Variants in ELMO1 observed in about 807,000 individuals in gnomAD.
The protein encoded by ELMO1 is engulfment and cell motility 1.
A neutral mutation model predicts 98.9 loss-of-function variants in ELMO1; 26 were observed. The observed-to-expected ratio is 0.26, with a 90% CI of 0.19 to 0.36. The LOEUF (loss-of-function observed/expected upper bound fraction) is 0.36. Among genes scored for constraint, ELMO1 ranks in the 10% least tolerant of loss-of-function variants. ELMO1 has a pLI of 1.00. For missense variants in ELMO1, 627 were observed against 935.2 expected (o/e 0.67, Z 4.30); for synonymous variants, 346 against 346.0 (o/e 1.00, Z 0.00).
chr7:37,311,662 C>T (rs945382094), intron 4 of ELMO1, among the ~76,000 whole-genome samples: 5 of 152,182 alleles, frequency 3.3e-5, no homozygotes, highest in African/African-American at 9.7e-5. Context: ...CTGCTCTGTG[C>T]GTGCTGAGCT....
At chr7:37,216,007 T>G (rs1211241205) in intron 11 of ELMO1, among the ~76,000 whole-genome samples, 3 of 146,030 alleles carry the variant, frequency 2.1e-5, no homozygotes, top group Non-Finnish European at 4.5e-5. Flanking sequence ...TTTTTTTTTC[T>G]TTTTTGTAAG....
intron 1 of ELMO1, among the ~76,000 whole-genome samples, chr7:37,371,972 C>A (rs1802133205): frequency 6.6e-6 from 1 of 152,172 alleles, no homozygotes; most frequent in Non-Finnish European, 1.5e-5. Flanking sequence ...TACCTTCTCT[C>A]AGTGTCCCTG....
intron 1 of ELMO1, among the ~76,000 whole-genome samples, chr7:37,430,510 T>C (rs1804888910): frequency 6.6e-6 from 1 of 152,160 alleles, no homozygotes; most frequent in Non-Finnish European, 1.5e-5. Context: ...AAAACCAAAA[T>C]CCAGAAATCA....
At chr7:36,890,870 T>A (rs1383233977) in intron 17 of ELMO1, among the ~76,000 whole-genome samples, 6 of 152,176 alleles carry the variant, frequency 3.9e-5, no homozygotes, top group African/African-American at 1.4e-4. Context: ...TGGCCTCACC[T>A]TCCGTTGCTC....
At chr7:37,120,652 C>T (rs1785949300) in intron 14 of ELMO1, among the ~76,000 whole-genome samples, 1 of 152,214 alleles carries the variant, frequency 6.6e-6, no homozygotes, top group African/African-American at 2.4e-5. Flanking sequence ...TGGAGCCCAC[C>T]TCAGCTCAAG....
chr7:37,121,883 G>A lies in ELMO1; in HGVS notation c.1191+11247C>T, dbSNP rs568031151. ...GGAAAAAATGTTAAGGGCAGCCAGA[G>A]AGAAAGGACGGGTTACCCACAAAGG... On this transcript the variant is annotated intron_variant, in intron 14 of 21. Coordinates refer to ENST00000310758, the MANE Select transcript of ELMO1 (RefSeq NM_014800.11). Among the ~76,000 whole-genome samples the A allele has an allele frequency of 7.9e-5, 12 of 152,300 alleles. No individual in the cohort carries two copies. In the South Asian group the frequency reaches 2.3e-3, roughly 29 times the overall value.
At position 37,100,597 on chromosome 7, in the gene ELMO1, G is replaced by C. The variant is rs998148327; in HGVS notation, c.1192-3870C>G. 2.0e-5 allele frequency among the ~76,000 whole-genome samples: 3 copies of C among 152,218 alleles called. No homozygotes were observed. The South Asian group carries it at 6.2e-4, about 32-fold the overall frequency. On this transcript the variant is annotated intron_variant, in intron 14 of 21. Coordinates refer to ENST00000310758, the MANE Select transcript of ELMO1 (RefSeq NM_014800.11). ...TCTGTTGAAGCTCTCTCTTTTGGGG[G>C]AGAGCCCAATTCATTCTGTGCCTCC...
At chr7:37,019,850 T>C (rs141602189) in intron 15 of ELMO1, among the ~76,000 whole-genome samples, 2,301 of 152,316 alleles carry the variant, frequency 0.015, 21 homozygotes, top group Middle Eastern at 0.044. Flanking sequence ...TTTTCAGGAC[T>C]GAGGGTACAA....
intron 16 of ELMO1, among the ~76,000 whole-genome samples, chr7:36,944,902 A>T (rs565463351): frequency 6.6e-6 from 1 of 152,290 alleles, no homozygotes; most frequent in South Asian, 2.1e-4. Context: ...AGAAAAGCAA[A>T]GGAGCCTATG....
chr7:36,974,679 G>C (rs573320435), intron 16 of ELMO1, among the ~76,000 whole-genome samples: 1 of 152,178 alleles, frequency 6.6e-6, no homozygotes, highest in African/African-American at 2.4e-5. Flanking sequence ...CAGGCTGCCC[G>C]AGCCAGCAGT....
At chr7:37,363,808 G>A (rs1801791859) in intron 1 of ELMO1, among the ~76,000 whole-genome samples, 1 of 152,094 alleles carries the variant, frequency 6.6e-6, no homozygotes, top group African/African-American at 2.4e-5. Flanking sequence ...TCTAAACATT[G>A]GTAGAAGTTG....
chr7:37,381,027 A>C (rs961600689), intron 1 of ELMO1, among the ~76,000 whole-genome samples: 2 of 152,250 alleles, frequency 1.3e-5, no homozygotes, highest in African/African-American at 2.4e-5. Context: ...TTACAGTATG[A>C]GACATGAAAC....
chr7:36,860,972 T>C (rs1329444812), intron 21 of ELMO1, among the ~76,000 whole-genome samples: 1 of 152,176 alleles, frequency 6.6e-6, no homozygotes, highest in African/African-American at 2.4e-5. Flanking sequence ...TAAAGCTGTT[T>C]ATGCAACCAC....
rs1796808160 is a variant in ELMO1 at position 37,275,959 on chromosome 7, T to C, written c.193-4077A>G. The stretch of plus-strand genomic sequence containing the variant: ...GAAAGGCCTAACTTGGGATGTAAAC[T>C]TCATTAAGAAAGAAAGAGGCTTGTC... On this transcript the variant is annotated intron_variant, in intron 4 of 21. Transcript: ENST00000310758. 2.0e-5 allele frequency among the ~76,000 whole-genome samples: 3 copies of C among 152,308 alleles called. No individual in the cohort carries two copies. The South Asian group carries it at 6.2e-4, about 32-fold the overall frequency.
At chr7:37,340,518 C>T (rs952995908) in intron 2 of ELMO1, among the ~76,000 whole-genome samples, 3 of 152,028 alleles carry the variant, frequency 2.0e-5, no homozygotes, top group African/African-American at 4.8e-5. Context: ...ATTGGATCCT[C>T]GAACAGAATA....
intron 4 of ELMO1, among the ~76,000 whole-genome samples, chr7:37,283,782 T>C (rs939068383): frequency 3.9e-5 from 6 of 152,216 alleles, no homozygotes; most frequent in Non-Finnish European, 7.3e-5. Context: ...CAGAGACACG[T>C]CTATAGTGCT....
At chr7:37,094,497 A>T (rs1784274687) in intron 15 of ELMO1, among the ~76,000 whole-genome samples, 1 of 152,016 alleles carries the variant, frequency 6.6e-6, no homozygotes, top group Non-Finnish European at 1.5e-5. Context: ...CCCCATCCCC[A>T]AGCACAAAAT....
At chr7:37,101,318 A>G (rs1175843076) in intron 14 of ELMO1, among the ~76,000 whole-genome samples, 1 of 152,194 alleles carries the variant, frequency 6.6e-6, no homozygotes, top group Non-Finnish European at 1.5e-5. Context: ...AGTGTGAAGA[A>G]CGAACAAGGA....
chr7:36,895,789 C>T (rs548034602), intron 16 of ELMO1, among the ~76,000 whole-genome samples: 1 of 152,186 alleles, frequency 6.6e-6, no homozygotes, highest in Admixed American at 6.5e-5. Flanking sequence ...CATCTCAGAG[C>T]TTGCTGCTTC....
Sources: allele counts gnomAD v4.1 joint callset (sites outside exome capture counted in the v4.1 genomes callset), GRCh38; gene constraint gnomAD v4.1.1; transcripts MANE v1.5; gene names NCBI Gene and HGNC (gene_info 2026-07-23, HGNC 2026-07-21).